NFIA: variants seen among roughly 807,000 people sequenced by gnomAD.
The protein encoded by NFIA is nuclear factor 1 A-type.
NFIA carries 8 observed loss-of-function variants against 62.8 expected under a neutral mutation model. The observed-to-expected ratio is 0.13, with a 90% CI of 0.07 to 0.23. NFIA has a LOEUF of 0.23. NFIA is among the 10% of genes least tolerant of loss of function. NFIA has a pLI of 1.00. For synonymous variants in NFIA, 235 were observed against 238.1 expected (o/e 0.99, Z 0.12); for missense variants, 410 against 642.1 (o/e 0.64, Z 3.91).
At chr1:61,355,213 G>T (rs767305856) in intron 5 of NFIA, among the ~76,000 whole-genome samples, 1 of 152,050 alleles carries the variant, frequency 6.6e-6, no homozygotes, top group Non-Finnish European at 1.5e-5. Flanking sequence ...CATCCTTTTC[G>T]TGTAGATCTT....
At chr1:61,347,165 CTTTTTTTTTT>C (rs869046737) in intron 4 of NFIA, among the ~76,000 whole-genome samples, 42 of 70,140 alleles carry the variant, frequency 6.0e-4, no homozygotes, top group Admixed American at 3.2e-3. Flanking sequence ...CTGGATCCCA[CTTTTTTTTTT>C]TTTTTTTTTT....
intron 10 of NFIA, among the ~76,000 whole-genome samples, chr1:61,428,929 A>T (rs1260496635): frequency 6.6e-6 from 1 of 152,202 alleles, no homozygotes; most frequent in East Asian, 1.9e-4. Flanking sequence ...AGAATTGAAG[A>T]GTCACCCAAG....
At chr1:61,318,799 G>A (rs1414943523) in intron 3 of NFIA, among the ~76,000 whole-genome samples, 1 of 152,132 alleles carries the variant, frequency 6.6e-6, no homozygotes, top group Non-Finnish European at 1.5e-5. Context: ...TTATTGTTCA[G>A]CCAGGTTGGT....
At chr1:61,283,592 A>AG (rs1658284242) in intron 3 of NFIA, among the ~76,000 whole-genome samples, 2 of 142,122 alleles carry the variant, frequency 1.4e-5, no homozygotes, top group South Asian at 2.2e-4. Context: ...AAAAAAAAAA[A>AG]AAAAAAAAAA....
intron 10 of NFIA, among the ~76,000 whole-genome samples, chr1:61,451,227 G>A (rs1668045763): frequency 6.6e-6 from 1 of 152,128 alleles, no homozygotes; most frequent in South Asian, 2.1e-4. Flanking sequence ...AATGGGATTC[G>A]AACTTTCATG....
chr1:61,200,036 A>ATATATATATATATG (rs1652340990), intron 2 of NFIA, among the ~76,000 whole-genome samples: 2 of 46,072 alleles, frequency 4.3e-5, no homozygotes, highest in African/African-American at 2.2e-4. Flanking sequence ...ATATATATAT[A>ATATATATATATATG]TATATATATA....
intron 8 of NFIA, among the ~76,000 whole-genome samples, chr1:61,406,120 A>G (rs973978230): frequency 5.9e-5 from 9 of 152,214 alleles, no homozygotes; most frequent in African/African-American, 1.2e-4. Flanking sequence ...GTAAAGAAAC[A>G]TAGTGGAATA....
At chr1:61,428,249 C>T (rs1666952535) in intron 10 of NFIA, among the ~76,000 whole-genome samples, 1 of 152,178 alleles carries the variant, frequency 6.6e-6, no homozygotes, top group Non-Finnish European at 1.5e-5. Context: ...CTTTCCTTCA[C>T]AAATGCCTTA....
intron 2 of NFIA, among the ~76,000 whole-genome samples, chr1:61,126,520 A>T (rs1189290361): frequency 1.3e-5 from 2 of 151,246 alleles, no homozygotes; most frequent in Non-Finnish European, 2.9e-5. Flanking sequence ...CTTTCAACAT[A>T]TGGAGTTCTT....
chr1:61,254,949 G>A (rs1451245160), intron 2 of NFIA, among the ~76,000 whole-genome samples: 1 of 152,150 alleles, frequency 6.6e-6, no homozygotes, highest in Non-Finnish European at 1.5e-5. Context: ...GAGAACCCCC[G>A]AGCAGCAGGT....
chr1:61,125,964 A>G (rs762653001), intron 2 of NFIA, among the ~76,000 whole-genome samples: 6 of 152,024 alleles, frequency 3.9e-5, no homozygotes, highest in African/African-American at 1.4e-4. Context: ...GTTTGCAGGA[A>G]CTCGTGTTGA....
intron 9 of NFIA, among the ~76,000 whole-genome samples, chr1:61,413,739 GCCTCAGC>G (rs1432182566): frequency 1.4e-5 from 2 of 141,808 alleles, no homozygotes; most frequent in Non-Finnish European, 3.0e-5. Context: ...CGATTCTCCT[GCCTCAGC>G]CTCCTGAGTA....
chr1:61,455,603 C>A lies in NFIA; in HGVS notation c.*283C>A. ...GGCTTTGTAACATTTGAAGTGTTTC[C>A]ATGGTAGCGTGAGCATTAGGTGACG... is the stretch of plus-strand genomic sequence containing the variant. On this transcript the variant is annotated 3_prime_UTR_variant, in exon 11 of 11. Coordinates refer to ENST00000403491, the MANE Select transcript of NFIA (RefSeq NM_001134673.4). 2.0e-6 allele frequency: 1 copy of A among 505,554 alleles called. No individual in the cohort carries two copies. The highest frequency in any genetic ancestry group is 3.4e-6 in the Non-Finnish European group (1 of 291,358). The allele number at this position is 505,554 out of a possible 1,614,324, so 31.3% of individuals were successfully genotyped here. A position where few individuals can be genotyped will look rare whatever the true frequency, so the allele number is the denominator to read the frequency against.
At chr1:61,400,027 TTAAAC>T (rs1285917043) in intron 7 of NFIA, among the ~76,000 whole-genome samples, 1 of 152,234 alleles carries the variant, frequency 6.6e-6, no homozygotes, top group East Asian at 1.9e-4. Context: ...TTTTTCTCCT[TTAAAC>T]TAAAACCAAG....
chr1:61,187,927 G>T (rs1312515506), intron 2 of NFIA, among the ~76,000 whole-genome samples: 1 of 152,138 alleles, frequency 6.6e-6, no homozygotes, highest in Non-Finnish European at 1.5e-5. Context: ...TAGTAAGGAG[G>T]TTGAATAGCC....
intron 6 of NFIA, among the ~76,000 whole-genome samples, chr1:61,367,644 T>C (rs1663662358): frequency 6.6e-6 from 1 of 152,156 alleles, no homozygotes; most frequent in Non-Finnish European, 1.5e-5. Flanking sequence ...AAAGCTGTAT[T>C]ACCAAATGAG....
At chr1:61,124,422 A>C (rs1482534349) in intron 2 of NFIA, among the ~76,000 whole-genome samples, 1 of 152,196 alleles carries the variant, frequency 6.6e-6, no homozygotes, top group Non-Finnish European at 1.5e-5. Context: ...CAAAAACAGG[A>C]AAAGTCAATT....
At chr1:61,179,102 G>A (rs1318320341) in intron 2 of NFIA, among the ~76,000 whole-genome samples, 1 of 152,204 alleles carries the variant, frequency 6.6e-6, no homozygotes, top group Non-Finnish European at 1.5e-5. Context: ...GAGAGACTAC[G>A]GTGTTTGTGC....
At chr1:61,228,538 A>G (rs6678065) in intron 2 of NFIA, among the ~76,000 whole-genome samples, 6,829 of 152,288 alleles carry the variant, frequency 0.045, 342 homozygotes, top group East Asian at 0.28. Context: ...TGACAGGGTT[A>G]ATGTTGGAAG....
Sources: gnomAD v4.1 joint callset for allele counts (sites outside exome capture counted in the v4.1 genomes callset) on GRCh38, gnomAD v4.1.1 for gene constraint, MANE v1.5 for transcripts, NCBI Gene and HGNC (gene_info 2026-07-23, HGNC 2026-07-21) for gene names.